DSTYK: variants seen among roughly 807,000 people sequenced by gnomAD.
DSTYK encodes dual serine/threonine and tyrosine protein kinase, also known as RIP-homologous kinase.
In DSTYK, 34 loss-of-function variants were observed where a neutral mutation model predicts 98.7. The observed-to-expected ratio is 0.34, with a 90% CI of 0.26 to 0.46. The LOEUF is 0.46. DSTYK is among the 20% of genes least tolerant of loss of function. DSTYK has a pLI of 1.00. For synonymous variants in DSTYK, 462 were observed against 457.3 expected (o/e 1.01, Z -0.13); for missense variants, 962 against 1,181.7 (o/e 0.81, Z 2.73).
intron 2 of DSTYK, among the ~76,000 whole-genome samples, chr1:205,182,802 G>A (rs1279176154): frequency 2.0e-5 from 3 of 147,232 alleles, no homozygotes; most frequent in Non-Finnish European, 3.0e-5. Context: ...GTAAGACTCC[G>A]TCTCAAAAAA....
chr1:205,198,548 C>T (rs1362343059), intron 1 of DSTYK, among the ~76,000 whole-genome samples: 1 of 152,140 alleles, frequency 6.6e-6, no homozygotes, highest in Non-Finnish European at 1.5e-5. Flanking sequence ...ATATTAAACG[C>T]TAAGGCTAGA....
chr1:205,160,723 A>G lies in DSTYK; in HGVS notation c.1949-453T>C, dbSNP rs541880566. Among the ~76,000 whole-genome samples the G allele has an allele frequency of 4.2e-4, 64 of 152,226 alleles. 1 individual carries two copies. Among genetic ancestry groups the G allele is most frequent in the Admixed American group, 1.6e-3 (25 of 15,286 alleles). On this transcript the variant is annotated intron_variant, in intron 7 of 12. Coordinates refer to ENST00000367162, the MANE Select transcript of DSTYK (RefSeq NM_015375.3). ...AAAATTCTAGTGTCATTCTAACCCA[A>G]TAGAAAATAATCTAACTGGTTTAAT...
chr1:205,210,664 T>A (rs1193841931), intron 1 of DSTYK, among the ~76,000 whole-genome samples: 2 of 152,234 alleles, frequency 1.3e-5, no homozygotes, highest in African/African-American at 4.8e-5. Flanking sequence ...ACCTTAAGCA[T>A]GAGCAACATC....
chr1:205,184,293 C>T (rs1372844173), intron 2 of DSTYK, among the ~76,000 whole-genome samples: 1 of 151,934 alleles, frequency 6.6e-6, no homozygotes, highest in Non-Finnish European at 1.5e-5. Context: ...AAATTTAGGG[C>T]CAGGCATAGT....
chr1:205,180,527 C>T (rs900958019), intron 2 of DSTYK, among the ~76,000 whole-genome samples: 11 of 152,118 alleles, frequency 7.2e-5, no homozygotes, highest in Non-Finnish European at 1.5e-4. Flanking sequence ...TGCAATGGCG[C>T]GGTCTCAGCT....
chr1:205,153,325 C>T (rs1405061101), intron 10 of DSTYK, among the ~76,000 whole-genome samples: 1 of 152,098 alleles, frequency 6.6e-6, no homozygotes, highest in Admixed American at 6.5e-5. Context: ...GGTTCATGAC[C>T]ATCTCACCAT....
At chr1:205,175,595 G>T (rs924212368) in intron 2 of DSTYK, among the ~76,000 whole-genome samples, 1 of 152,124 alleles carries the variant, frequency 6.6e-6, no homozygotes, top group East Asian at 1.9e-4. Flanking sequence ...TGTGATATGC[G>T]ATTCTGCAAT....
intron 2 of DSTYK, among the ~76,000 whole-genome samples, chr1:205,175,080 T>C (rs1658188496): frequency 1.4e-5 from 2 of 146,036 alleles, no homozygotes; most frequent in African/African-American, 5.1e-5. Context: ...CCTGATATAT[T>C]GGCACCCACA....
At chr1:205,199,028 A>G (rs1658950703) in intron 1 of DSTYK, among the ~76,000 whole-genome samples, 2 of 152,144 alleles carry the variant, frequency 1.3e-5, no homozygotes, top group African/African-American at 4.8e-5. Flanking sequence ...TTTTAAAATA[A>G]GTGGAATTTT....
intron 2 of DSTYK, among the ~76,000 whole-genome samples, chr1:205,180,175 A>G (rs183617002): frequency 7.3e-4 from 110 of 150,538 alleles, no homozygotes; most frequent in Admixed American, 2.2e-3. Flanking sequence ...TTTGTTACAT[A>G]GGTATGGTTT....
At chr1:205,148,826 G>A (rs529551440) in intron 11 of DSTYK, among the ~76,000 whole-genome samples, 3 of 151,936 alleles carry the variant, frequency 2.0e-5, no homozygotes, top group African/African-American at 7.2e-5. Flanking sequence ...GCAATAGGGT[G>A]GACTGTAATA....
At chr1:205,199,876 G>A (rs535910049) in intron 1 of DSTYK, among the ~76,000 whole-genome samples, 2 of 152,228 alleles carry the variant, frequency 1.3e-5, no homozygotes, top group African/African-American at 4.8e-5. Flanking sequence ...CGGCTTCTCT[G>A]TAACTTCTAA....
chr1:205,194,632 C>T (rs1056614278), intron 1 of DSTYK, among the ~76,000 whole-genome samples: 1 of 151,278 alleles, frequency 6.6e-6, no homozygotes, highest in Non-Finnish European at 1.5e-5. Flanking sequence ...ACCCTCCCAC[C>T]TCAGCCTCCC....
intron 2 of DSTYK, chr1:205,173,334 C>A (rs1426058857): frequency 7.3e-6 from 1 of 136,284 alleles, no homozygotes; most frequent in Non-Finnish European, 1.5e-5. Flanking sequence ...ACGGAGGCTG[C>A]AGTGAACTGA....
chr1:205,195,213 AT>A lies in DSTYK; in HGVS notation c.266-7408del, dbSNP rs373758060. ...TCTGAAAGTGAATGAAAAACAAAGG[AT>A]TTTTATAGTTAACTGAGGCAACCAG... On this transcript the variant is annotated intron_variant, in intron 1 of 12. Coordinates refer to ENST00000367162, the MANE Select transcript of DSTYK (RefSeq NM_015375.3). Among the ~76,000 whole-genome samples, 666 of 152,282 alleles carry A rather than the reference AT, an allele frequency of 4.4e-3. 7 individuals carry two copies. The highest frequency in any genetic ancestry group is 0.015 in the African/African-American group (625 of 41,556).
chr1:205,154,084 T>TGTGC (rs558872879), intron 10 of DSTYK, among the ~76,000 whole-genome samples: 1,709 of 144,898 alleles, frequency 0.012, 34 homozygotes, highest in African/African-American at 0.039. Flanking sequence ...TGTGTGTGTG[T>TGTGC]GCATGTATAG....
intron 10 of DSTYK, among the ~76,000 whole-genome samples, chr1:205,154,893 G>A (rs1657511764): frequency 6.6e-6 from 1 of 152,318 alleles, no homozygotes; most frequent in Non-Finnish European, 1.5e-5. Context: ...AAGGAGACTG[G>A]AGGCATTTTG....
chr1:205,157,507 G>T, intron 9 of DSTYK, 121 bp from the exon 10 acceptor site: 2 of 717,978 alleles, frequency 2.8e-6, no homozygotes, highest in Non-Finnish European at 4.7e-6. Flanking sequence ...GGGCACAGTG[G>T]CTCATGCCTG....
intron 1 of DSTYK, among the ~76,000 whole-genome samples, chr1:205,207,319 T>A (rs555877275): frequency 4.6e-5 from 7 of 151,476 alleles, no homozygotes; most frequent in African/African-American, 1.5e-4. Context: ...CCTTGAGTGA[T>A]CCACCTGCCT....
Sources: allele counts gnomAD v4.1 joint callset (sites outside exome capture counted in the v4.1 genomes callset), GRCh38; gene constraint gnomAD v4.1.1; transcripts MANE v1.5; gene names NCBI Gene and HGNC (gene_info 2026-07-23, HGNC 2026-07-21).